Variants in DIP2C observed in about 807,000 individuals in gnomAD.
DIP2C encodes disco-interacting protein 2 homolog C.
A neutral mutation model predicts 192.4 loss-of-function variants in DIP2C; 33 were observed. That is an observed-to-expected ratio of 0.17 (90% CI 0.13 to 0.23). The LOEUF is 0.23. DIP2C is among the 10% of genes least tolerant of loss of function. The probability of loss-of-function intolerance (pLI) is 1.00; values close to 1 mark genes in which losing one functional copy is unlikely to be tolerated. For missense variants in DIP2C, 1,537 were observed against 2,110.1 expected (o/e 0.73, Z 5.32); for synonymous variants, 979 against 864.1 (o/e 1.13, Z -2.33).
At chr10:410,854 AAAGGC>A (rs1965137270) in intron 8 of DIP2C, among the ~76,000 whole-genome samples, 1 of 152,264 alleles carries the variant, frequency 6.6e-6, no homozygotes, top group East Asian at 1.9e-4. Flanking sequence ...CTCAAAGAGA[AAAGGC>A]AGGAAGTTAA....
chr10:564,378 C>A (rs1849359792), intron 1 of DIP2C, among the ~76,000 whole-genome samples: 1 of 152,128 alleles, frequency 6.6e-6, no homozygotes, highest in South Asian at 2.1e-4. Flanking sequence ...CTTGGGGCAG[C>A]CTCACTCACT....
intron 1 of DIP2C, among the ~76,000 whole-genome samples, chr10:648,298 G>A (rs1042405129): frequency 2.0e-5 from 3 of 151,926 alleles, no homozygotes; most frequent in Non-Finnish European, 2.9e-5. Flanking sequence ...ACATTGGATG[G>A]TGGGAGAGAA....
At chr10:413,667 G>C (rs566517731) in intron 8 of DIP2C, among the ~76,000 whole-genome samples, 7 of 152,346 alleles carry the variant, frequency 4.6e-5, no homozygotes, top group African/African-American at 1.7e-4. Context: ...TGTGTGTTTG[G>C]GAGTGGCTGC....
intron 1 of DIP2C, among the ~76,000 whole-genome samples, chr10:511,390 T>C (rs1450347828): frequency 6.6e-6 from 1 of 152,238 alleles, no homozygotes; most frequent in Admixed American, 6.5e-5. Flanking sequence ...GGAAAACTTC[T>C]GTTACCAGGC....
intron 1 of DIP2C, among the ~76,000 whole-genome samples, chr10:670,608 C>G (rs183599289): frequency 2.6e-5 from 4 of 152,282 alleles, no homozygotes; most frequent in Admixed American, 2.6e-4. Flanking sequence ...AAGATGATTT[C>G]ATTTACATAA....
intron 22 of DIP2C, among the ~76,000 whole-genome samples, 176 bp downstream of exon 22, chr10:362,314 C>T (rs1369376503): frequency 6.6e-6 from 1 of 152,166 alleles, no homozygotes. Flanking sequence ...GCATTTACAG[C>T]CAGAAGACCA....
chr10:453,387 A>T (rs1434144801), intron 3 of DIP2C, among the ~76,000 whole-genome samples: 1 of 152,242 alleles, frequency 6.6e-6, no homozygotes, highest in Non-Finnish European at 1.5e-5. Flanking sequence ...ACATCACGAG[A>T]GTAACAAGAT....
At chr10:366,631 A>G (rs1232738206) in intron 18 of DIP2C, among the ~76,000 whole-genome samples, 1 of 152,124 alleles carries the variant, frequency 6.6e-6, no homozygotes, top group Non-Finnish European at 1.5e-5. Flanking sequence ...ACATCAATAA[A>G]TATTTCAATT....
chr10:504,258 T>G (rs1845436185), intron 1 of DIP2C, among the ~76,000 whole-genome samples: 2 of 152,128 alleles, frequency 1.3e-5, no homozygotes, highest in African/African-American at 4.8e-5. Context: ...CTGTGGAGAA[T>G]AAAGGCCACG....
At chr10:366,508 C>T (rs1361650945) in intron 18 of DIP2C, 97 bp from the exon 19 acceptor site, 4 of 1,555,626 alleles carry the variant, frequency 2.6e-6, no homozygotes, top group South Asian at 1.2e-5. Flanking sequence ...CACCAGTGAA[C>T]AGGAATGGGG....
At chr10:485,254 CA>C (rs1843927806) in intron 2 of DIP2C, among the ~76,000 whole-genome samples, 1 of 152,254 alleles carries the variant, frequency 6.6e-6, no homozygotes, top group Non-Finnish European at 1.5e-5. Context: ...CACATGAGGG[CA>C]CCTGCAGAGG....
intron 1 of DIP2C, among the ~76,000 whole-genome samples, chr10:531,623 G>A (rs1029794614): frequency 7.9e-5 from 12 of 152,164 alleles, no homozygotes; most frequent in African/African-American, 2.7e-4. Context: ...CGGGAAAGGC[G>A]GTGTCACCGG....
At chr10:350,948 G>T (rs1159091382) in intron 24 of DIP2C, among the ~76,000 whole-genome samples, 1 of 152,146 alleles carries the variant, frequency 6.6e-6, no homozygotes, top group Non-Finnish European at 1.5e-5. Context: ...GCCCAGCCCA[G>T]GAATTCTTAT....
chr10:375,637 C>T (rs147581234), intron 17 of DIP2C, among the ~76,000 whole-genome samples: 270 of 152,290 alleles, frequency 1.8e-3, no homozygotes, highest in African/African-American at 5.7e-3. Flanking sequence ...CGCATAACAC[C>T]TTGAAGTAGC....
chr10:609,077 C>G (rs1029489122), intron 1 of DIP2C, among the ~76,000 whole-genome samples: 1 of 151,866 alleles, frequency 6.6e-6, no homozygotes, highest in Admixed American at 6.6e-5. Context: ...ATCACAAAAG[C>G]AAAGGGTAAG....
intron 1 of DIP2C, chr10:663,308 C>T (rs546787075): frequency 9.1e-5 from 16 of 176,418 alleles, no homozygotes; most frequent in African/African-American, 1.6e-4. Flanking sequence ...GCTGGAACTT[C>T]GTAATGGCTT....
chr10:355,349 G>C (rs1321512843), intron 24 of DIP2C, among the ~76,000 whole-genome samples: 1 of 152,234 alleles, frequency 6.6e-6, no homozygotes, highest in Non-Finnish European at 1.5e-5. Flanking sequence ...GCCACGTGCA[G>C]AGAATGGTCT....
At chr10:541,737 C>A (rs573535945) in intron 1 of DIP2C, among the ~76,000 whole-genome samples, 3 of 147,860 alleles carry the variant, frequency 2.0e-5, no homozygotes, top group Admixed American at 6.7e-5. Context: ...GCATGACCCT[C>A]CACACTGACC....
chr10:336,271 C>T (rs138718295), intron 29 of DIP2C, among the ~76,000 whole-genome samples: 2 of 152,194 alleles, frequency 1.3e-5, no homozygotes, highest in African/African-American at 4.8e-5. Context: ...AGGATGGGTC[C>T]GTGTACAATG....
Sources: allele counts gnomAD v4.1 joint callset (sites outside exome capture counted in the v4.1 genomes callset), GRCh38; gene constraint gnomAD v4.1.1; transcripts MANE v1.5; gene names NCBI Gene and HGNC (gene_info 2026-07-23, HGNC 2026-07-21).